Variants in ABCA3 observed in about 807,000 individuals in gnomAD.
ABCA3 encodes the protein ATP binding cassette subfamily A member 3.
ABCA3 carries 88 observed loss-of-function variants against 172.8 expected under a neutral mutation model. That is an observed-to-expected ratio of 0.51 (90% confidence interval 0.43 to 0.61). The LOEUF (loss-of-function observed/expected upper bound fraction) is 0.61. Among genes scored for constraint, ABCA3 ranks in the 20% least tolerant of loss-of-function variants. The probability of loss-of-function intolerance (pLI) is 0.00; values close to 1 mark genes in which losing one functional copy is unlikely to be tolerated. For missense variants in ABCA3, 2,164 were observed against 2,301.0 expected, an observed-to-expected ratio of 0.94 and a Z score of 1.22; for synonymous variants, 1,066 against 983.8, an observed-to-expected ratio of 1.08 and a Z score of -1.56.
intron 18 of ABCA3, 88 bp downstream of exon 18, chr16:2,295,502 G>C: frequency 1.3e-6 from 2 of 1,581,340 alleles, no homozygotes; most frequent in Admixed American, 3.3e-5. Context: ...GAGGGGCAGA[G>C]CAGGTGCCTC....
rs537124569 is a variant in ABCA3, at chr16:2,276,713, G to A, written c.5076C>T (p.Phe1692=). 1.2e-5 allele frequency: 19 copies of A among 1,613,786 alleles called. No homozygotes were observed. The highest frequency in any genetic ancestry group is 8.8e-5 in the South Asian group (8 of 91,088). ...QISLEQVFLS[F]AHLQPPTAEE... ...CTGCGGTGGGCGGCTGCAGGTGGGC[G>A]AAGCTCAGGAAGACCTGTTCCAGCG... is the stretch of plus-strand genomic sequence containing the variant. The change falls in exon 33 of 33, where the codon TTC becomes TTT. Residue 1692 remains phenylalanine (F), a synonymous_variant. Transcript: ENST00000301732.
chr16:2,330,800 G>A lies in ABCA3; in HGVS notation c.-538-946C>T, dbSNP rs546442639. Reference sequence around the variant, plus strand: ...TGCAAACTCCGCCTCCCAGGTTCACGCCATTCTCCTGCCTCAGCCTCCCGA... The same window carrying A: ...TGCAAACTCCGCCTCCCAGGTTCACACCATTCTCCTGCCTCAGCCTCCCGA... On this transcript the variant is annotated intron_variant, in intron 1 of 32. Coordinates refer to ENST00000301732, the MANE Select transcript of ABCA3 (RefSeq NM_001089.3). Among the ~76,000 whole-genome samples the A allele has an allele frequency of 6.3e-4, 93 of 147,576 alleles. 1 individual carries two copies. Among genetic ancestry groups the A allele is most frequent in the African/African-American group, 2.2e-3 (89 of 39,894 alleles).
intron 6 of ABCA3, among the ~76,000 whole-genome samples, chr16:2,323,929 T>C (rs530523524): frequency 2.0e-5 from 3 of 152,284 alleles, no homozygotes; most frequent in East Asian, 1.9e-4. Context: ...AATTCCATTG[T>C]GAAGTGCCAC....
At position 2,284,393 on chromosome 16, in the gene ABCA3, G is replaced by A. The variant is rs1472225707; in HGVS notation, c.3748C>T (p.Leu1250=). Residue 1250 remains leucine (L), a synonymous_variant, in exon 25 of 33, where the codon CTG becomes TTG. Transcript: ENST00000301732. The surrounding 1 kb of genome is among the most constrained non-coding windows in gnomAD (Gnocchi z 5.9). The stretch of plus-strand genomic sequence containing the variant: ...CCCAGACAGTGGTTGGGCAGCACCA[G>A]GAACACGTGATCCAGGGTTTTGGAA... The part of the protein sequence containing the change: ...ELSKTLDHVF[L]VLPNHCLGMA... 4 of 1,613,900 alleles carry A rather than the reference G, an allele frequency of 2.5e-6. No homozygotes were observed. Among genetic ancestry groups the A allele is most frequent in the Admixed American group, 1.7e-5 (1 of 60,006 alleles).
At chr16:2,318,205 G>A (rs574707123) in intron 8 of ABCA3, among the ~76,000 whole-genome samples, 1 of 152,330 alleles carries the variant, frequency 6.6e-6, no homozygotes, top group East Asian at 1.9e-4. Context: ...AGCTGTGGAT[G>A]CCATAGCCAT....
At chr16:2,311,148 AT>A (rs1340087396) in intron 10 of ABCA3, among the ~76,000 whole-genome samples, 1 of 151,460 alleles carries the variant, frequency 6.6e-6, no homozygotes, top group African/African-American at 2.4e-5. Flanking sequence ...TAATTTTTGT[AT>A]TTTTAGTAGA....
intron 10 of ABCA3, among the ~76,000 whole-genome samples, chr16:2,312,181 G>A (rs2093707659): frequency 6.6e-6 from 1 of 152,200 alleles, no homozygotes; most frequent in Non-Finnish European, 1.5e-5. Context: ...CTGAAAGCTT[G>A]AACTGCAGTA....
At chr16:2,337,784 G>T (rs1336393888) in intron 1 of ABCA3, among the ~76,000 whole-genome samples, 1 of 152,234 alleles carries the variant, frequency 6.6e-6, no homozygotes, top group East Asian at 1.9e-4. Flanking sequence ...CTGGTTTGAG[G>T]CTGTGGCACT....
At chr16:2,299,923 T>C in intron 13 of ABCA3, 82 bp downstream of exon 13, 1 of 1,584,372 alleles carries the variant, frequency 6.3e-7, no homozygotes, top group Non-Finnish European at 8.6e-7. Context: ...CCTGACGGGC[T>C]ATGAGGTCTC....
chr16:2,289,977 ACACAC>A (rs1283062259), intron 19 of ABCA3, among the ~76,000 whole-genome samples: 2 of 151,200 alleles, frequency 1.3e-5, no homozygotes, highest in African/African-American at 2.4e-5. Flanking sequence ...ACACACACAC[ACACAC>A]ACACACACAC....
rs149989682 is a variant in ABCA3 at position 2,317,763 on chromosome 16, T to C, written c.875A>G (p.Glu292Gly). The C allele has an allele frequency of 1.2e-6, 2 of 1,613,938 alleles. No individual in the cohort carries two copies. Among genetic ancestry groups the C allele is most frequent in the Non-Finnish European group, 1.7e-6 (2 of 1,179,826 alleles). Reference protein sequence around the residue: ...VVQEKERRLKEYMRMMGLSSW... With the variant: ...VVQEKERRLKGYMRMMGLSSW... ...GCTGAGCCCCATCATGCGCATGTAC[T>C]CCTGGGGAGAGAAGCCATCACGCTG... Residue 292 changes from glutamate (E) to glycine (G), a missense_variant and splice_region_variant, in exon 9 of 33, where the codon GAG (glutamate) becomes GGG (glycine). Transcript: ENST00000301732.
In ABCA3 at chr16:2,278,208, G is replaced by C; in HGVS notation, c.4718+80C>G. 2 of 1,599,004 alleles carry C rather than the reference G, an allele frequency of 1.3e-6. No individual in the cohort carries two copies. The highest frequency in any genetic ancestry group is 1.7e-5 in the Admixed American group (1 of 59,982). ...ACGGGCAGACTCTGCACCAGATGCT[G>C]ATGGGTCTCCTGGCCACCTGGCTCC... On this transcript the variant is annotated intron_variant, in intron 30 of 32. Coordinates refer to ENST00000301732, the MANE Select transcript of ABCA3 (RefSeq NM_001089.3). This position sits in a 1 kb window ranked among gnomAD's most constrained non-coding sequence, Gnocchi z 4.4.
intron 10 of ABCA3, among the ~76,000 whole-genome samples, chr16:2,316,867 G>A (rs919263121): frequency 1.3e-5 from 2 of 152,108 alleles, no homozygotes. Context: ...TGAACCATCC[G>A]AGGTAAAAGG....
Position 2,295,530 on chromosome 16 carries a change from T to G in ABCA3, c.2414+60A>C. On this transcript the variant is annotated intron_variant, in intron 18 of 32. Coordinates refer to ENST00000301732, the MANE Select transcript of ABCA3 (RefSeq NM_001089.3). ...GGTGCCTCTGAGCACAAAGCCCTCATGGCCCATGGGGATCCCATCTTGGAT... is the reference window on the plus strand; with the variant it reads ...GGTGCCTCTGAGCACAAAGCCCTCAGGGCCCATGGGGATCCCATCTTGGAT... 3 of 1,601,982 alleles carry G rather than the reference T, an allele frequency of 1.9e-6. No individual in the cohort carries two copies. The South Asian group carries it at 3.3e-5, about 18-fold the overall frequency.
Position 2,317,669 on chromosome 16 carries a change from C to T in ABCA3, c.969G>A (p.Met323Ile), listed in dbSNP as rs1413818785. Residue 323 changes from methionine to isoleucine, a missense_variant, in exon 9 of 33, where the codon ATG (methionine) becomes ATA (isoleucine). By Grantham distance (10) the Met-to-Ile change is conservative (BLOSUM62 1). Coordinates refer to ENST00000301732, the MANE Select transcript of ABCA3 (RefSeq NM_001089.3). ...TCACCTTGACACAGAAGAGCAGGGT[C>T]ATGAAGGAGGCGGCGATGAGGAGGA... ...FLFLLIAASF[M>I]TLLFCVKVKP... 1.8e-5 allele frequency: 29 copies of T among 1,614,084 alleles called. No homozygotes were observed. The highest frequency in any genetic ancestry group is 2.4e-5 in the Non-Finnish European group (28 of 1,180,030).
chr16:2,296,320 T>C (rs1435199648), intron 17 of ABCA3, among the ~76,000 whole-genome samples: 1 of 151,924 alleles, frequency 6.6e-6, no homozygotes, highest in African/African-American at 2.4e-5. Context: ...AACTTCTCCC[T>C]CCTTGGTTCA....
intron 2 of ABCA3, among the ~76,000 whole-genome samples, chr16:2,329,279 G>T (rs2093739412): frequency 6.6e-6 from 1 of 152,164 alleles, no homozygotes; most frequent in East Asian, 1.9e-4. Flanking sequence ...GAATAAAACA[G>T]CAGTGACTTA....
chr16:2,276,876 T>A, intron 32 of ABCA3, 71 bp from the exon 33 acceptor site: 1 of 1,594,476 alleles, frequency 6.3e-7, no homozygotes, highest in Non-Finnish European at 8.6e-7. Flanking sequence ...CTGGGAGTCC[T>A]CTGGCAATAG....
chr16:2,332,672 C>G, intron 1 of ABCA3: 1 of 1,600,824 alleles, frequency 6.2e-7, no homozygotes, highest in South Asian at 1.1e-5. Context: ...AGACCATTGC[C>G]GCGTTTGCAG....
Sources: allele counts gnomAD v4.1 joint callset (sites outside exome capture counted in the v4.1 genomes callset), GRCh38; gene constraint gnomAD v4.1.1; non-coding constraint Gnocchi (gnomAD v3.1); transcripts MANE v1.5; gene names NCBI Gene and HGNC (gene_info 2026-07-23, HGNC 2026-07-21).